The following FGF12 variants were observed in gnomAD, a reference collection of about 807,000 sequenced individuals.
FGF12 encodes fibroblast growth factor 12, also known as fibroblast growth factor 12B.
FGF12 carries 14 observed loss-of-function variants against 23.6 expected under a neutral mutation model. The observed-to-expected ratio is 0.59, with a 90% CI of 0.39 to 0.93. The LOEUF (loss-of-function observed/expected upper bound fraction) is 0.93, where lower values mean the gene tolerates loss of function less well. Ranked by LOEUF, FGF12 falls within the 40% of genes least tolerant of loss-of-function variation. The pLI is 0.00. For missense variants in FGF12, 175 were observed against 217.8 expected, an observed-to-expected ratio of 0.80 and a Z score of 1.24; for synonymous variants, 62 against 77.3, an observed-to-expected ratio of 0.80 and a Z score of 1.04.
At chr3:192,433,271 T>C (rs1189953327) in intron 2 of FGF12, among the ~76,000 whole-genome samples, 1 of 152,190 alleles carries the variant, frequency 6.6e-6, no homozygotes, top group Non-Finnish European at 1.5e-5. Context: ...TCATTTTAGA[T>C]GAAAACAGGC....
intron 2 of FGF12, among the ~76,000 whole-genome samples, chr3:192,380,283 T>C (rs961575702): frequency 6.6e-6 from 1 of 152,196 alleles, no homozygotes; most frequent in Non-Finnish European, 1.5e-5. Context: ...GTTTGCTTAA[T>C]GGACTGGTGT....
At position 192,159,710 on chromosome 3, in the gene FGF12, T is replaced by G. The variant is rs560354969; in HGVS notation, c.427+10748A>C. 5.3e-5 allele frequency among the ~76,000 whole-genome samples: 8 copies of G among 152,302 alleles called. No homozygotes were observed. The South Asian group carries it at 1.2e-3, about 24-fold the overall frequency. On this transcript the variant is annotated intron_variant, in intron 5 of 5. Transcript: ENST00000445105. ...CAAGCGGTGGTGAATTTGCCTTCAG[T>G]GAATCTTTCGTAATGTCTGAGACAT...
intron 2 of FGF12, among the ~76,000 whole-genome samples, chr3:192,537,149 G>A (rs933976435): frequency 6.6e-6 from 1 of 151,904 alleles, no homozygotes; most frequent in Admixed American, 6.6e-5. Flanking sequence ...TTTTTTATGG[G>A]TGAATAGTAC....
At chr3:192,252,023 C>T (rs1712045432) in intron 4 of FGF12, among the ~76,000 whole-genome samples, 1 of 152,034 alleles carries the variant, frequency 6.6e-6, no homozygotes, top group Non-Finnish European at 1.5e-5. Flanking sequence ...TATAAGAACA[C>T]CAACAAACAA....
chr3:192,456,491 G>A (rs949472273), intron 2 of FGF12, among the ~76,000 whole-genome samples: 2 of 152,076 alleles, frequency 1.3e-5, no homozygotes, highest in African/African-American at 2.4e-5. Context: ...CAGGCTTATT[G>A]TAGAAAAAAA....
At chr3:192,621,301 T>C (rs558104318) in intron 2 of FGF12, among the ~76,000 whole-genome samples, 4 of 152,346 alleles carry the variant, frequency 2.6e-5, no homozygotes, top group Middle Eastern at 3.4e-3. Flanking sequence ...CAGAATTTTT[T>C]CCCATAGGTA....
chr3:192,246,563 C>T (rs188510956), intron 4 of FGF12, among the ~76,000 whole-genome samples: 2 of 152,142 alleles, frequency 1.3e-5, no homozygotes, highest in African/African-American at 4.8e-5. Context: ...GTGGCTCACT[C>T]CTGTAATCCC....
Position 192,144,092 on chromosome 3 carries a change from C to A in FGF12, c.463G>T (p.Gly155Ter), listed in dbSNP as rs1486938872. ...MYREPSLHEIGEKQGRSRKSS... is the reference protein window; with the variant it reads ...MYREPSLHEI ...TTCCTTGAACGCCCTTGTTTTTCTCCAATTTCATGTAGCGATGGTTCTCTG... is the reference window on the plus strand; with the variant it reads ...TTCCTTGAACGCCCTTGTTTTTCTCAAATTTCATGTAGCGATGGTTCTCTG... The change falls in exon 6 of 6, where the codon GGA becomes TGA. Residue 155 changes from glycine (G) to a stop codon, truncating the protein, a stop_gained. Coordinates refer to ENST00000445105, the MANE Select transcript of FGF12 (RefSeq NM_004113.6). LOFTEE classifies it high-confidence loss of function. 1 of 1,613,560 alleles carries A rather than the reference C, an allele frequency of 6.2e-7. No individual in the cohort carries two copies. The highest frequency in any genetic ancestry group is 2.2e-5 in the East Asian group (1 of 44,836).
intron 2 of FGF12, among the ~76,000 whole-genome samples, chr3:192,374,422 C>G (rs1456212017): frequency 6.6e-6 from 1 of 152,044 alleles, no homozygotes; most frequent in Non-Finnish European, 1.5e-5. Context: ...CTATATGTAC[C>G]ACGTAGGAAT....
chr3:192,483,915 G>A (rs1354506442), intron 2 of FGF12, among the ~76,000 whole-genome samples: 2 of 152,138 alleles, frequency 1.3e-5, no homozygotes, highest in Admixed American at 6.6e-5. Context: ...CTGTACATAT[G>A]AAGGAGACAT....
intron 3 of FGF12, among the ~76,000 whole-genome samples, chr3:192,341,762 T>C (rs1021276975): frequency 3.3e-5 from 5 of 152,178 alleles, no homozygotes; most frequent in Non-Finnish European, 5.9e-5. Context: ...AGGTAGGCAT[T>C]TTGATATGCG....
chr3:192,267,181 G>GTGATT (rs1713131489), intron 4 of FGF12: 1 of 152,100 alleles, frequency 6.6e-6, no homozygotes, highest in African/African-American at 2.4e-5. Flanking sequence ...CCTTGGAAAG[G>GTGATT]TGATTTCGTC....
intron 2 of FGF12, among the ~76,000 whole-genome samples, chr3:192,466,487 T>C (rs913934163): frequency 6.6e-6 from 1 of 152,166 alleles, no homozygotes; most frequent in Admixed American, 6.5e-5. Context: ...TCAAATGTAT[T>C]TGCTGTTTGC....
At chr3:192,575,831 T>C (rs1208015132) in intron 2 of FGF12, among the ~76,000 whole-genome samples, 1 of 152,170 alleles carries the variant, frequency 6.6e-6, no homozygotes, top group Non-Finnish European at 1.5e-5. Context: ...CTGATATATG[T>C]AGCACCTAGC....
In FGF12 at chr3:192,496,120, A is replaced by G. The variant is rs1376896860; in HGVS notation, c.14-135582T>C. On this transcript the variant is annotated intron_variant, in intron 2 of 5. Coordinates refer to ENST00000445105, the MANE Select transcript of FGF12 (RefSeq NM_004113.6). ...GCCTCTAGTCACAAATGCTATGATC[A>G]TTCTTAATAGGAGAAATTCAAAACC... 9.2e-5 allele frequency among the ~76,000 whole-genome samples: 14 copies of G among 152,234 alleles called. 1 individual carries two copies. The highest frequency in any genetic ancestry group is 9.2e-4 in the Admixed American group (14 of 15,280).
chr3:192,480,520 AG>A (rs1288094005), intron 2 of FGF12, among the ~76,000 whole-genome samples: 2 of 152,216 alleles, frequency 1.3e-5, no homozygotes, highest in African/African-American at 4.8e-5. Flanking sequence ...TCTTTCCAAG[AG>A]GAATCTGAGA....
At chr3:192,725,463 C>T (rs1209119741) in intron 2 of FGF12, among the ~76,000 whole-genome samples, 1 of 152,030 alleles carries the variant, frequency 6.6e-6, no homozygotes, top group African/African-American at 2.4e-5. Flanking sequence ...GATTCTTTCT[C>T]CTTTCTGAAT....
chr3:192,500,962 A>C (rs1485682534), intron 2 of FGF12, among the ~76,000 whole-genome samples: 6 of 152,092 alleles, frequency 3.9e-5, no homozygotes, highest in Admixed American at 3.3e-4. Flanking sequence ...CATAGTCCAT[A>C]CTCTCAGCCG....
At chr3:192,554,564 A>T (rs899977924) in intron 2 of FGF12, among the ~76,000 whole-genome samples, 3 of 152,234 alleles carry the variant, frequency 2.0e-5, no homozygotes, top group African/African-American at 7.2e-5. Context: ...TGATTGGTAA[A>T]GATCTTTTCC....
Sources: gnomAD v4.1 joint callset for allele counts (sites outside exome capture counted in the v4.1 genomes callset) on GRCh38, gnomAD v4.1.1 for gene constraint, MANE v1.5 for transcripts, NCBI Gene and HGNC (gene_info 2026-07-23, HGNC 2026-07-21) for gene names.